Variants in KCNMB2 observed in about 807,000 individuals in gnomAD.
KCNMB2 encodes calcium-activated potassium channel subunit beta-2.
In KCNMB2, 9 loss-of-function variants were observed where a neutral mutation model predicts 24.5. That is an observed-to-expected ratio of 0.37 (90% CI 0.22 to 0.64). KCNMB2 has a LOEUF of 0.64. Ranked by LOEUF, KCNMB2 falls within the 30% of genes least tolerant of loss-of-function variation. The pLI, the probability that KCNMB2 is intolerant of heterozygous loss-of-function variation, is 0.63. For missense variants in KCNMB2, 226 were observed against 284.3 expected (o/e 0.79, Z 1.47); for synonymous variants, 109 against 104.4 (o/e 1.04, Z -0.27).
At chr3:178,616,431 T>C (rs1044246705) in intron 1 of KCNMB2, among the ~76,000 whole-genome samples, 1 of 152,178 alleles carries the variant, frequency 6.6e-6, no homozygotes, top group African/African-American at 2.4e-5. Context: ...TTTTGTCTGG[T>C]TCTCTTCTGG....
intron 1 of KCNMB2, among the ~76,000 whole-genome samples, chr3:178,781,647 A>G (rs1208963342): frequency 6.6e-6 from 1 of 151,700 alleles, no homozygotes; most frequent in Non-Finnish European, 1.5e-5. Context: ...GTATATAGTA[A>G]GCAAAGGTTT....
At chr3:178,649,452 T>A (rs773655354) in intron 1 of KCNMB2, among the ~76,000 whole-genome samples, 6 of 151,976 alleles carry the variant, frequency 3.9e-5, no homozygotes, top group Non-Finnish European at 5.9e-5. Context: ...TCTATAGAAT[T>A]TTTTTTCCTC....
chr3:178,605,229 C>A (rs554152594), intron 1 of KCNMB2, among the ~76,000 whole-genome samples: 2 of 152,242 alleles, frequency 1.3e-5, no homozygotes, highest in Middle Eastern at 6.8e-3. Flanking sequence ...GAAGAGCTCT[C>A]TCACCCTCTT....
intron 1 of KCNMB2, among the ~76,000 whole-genome samples, chr3:178,730,412 CACA>C (rs1253810477): frequency 4.9e-5 from 5 of 101,734 alleles, no homozygotes; most frequent in African/African-American, 1.6e-4. Context: ...AACACCCCCC[CACA>C]CACACACACA....
chr3:178,644,063 C>T (rs1453749803), intron 1 of KCNMB2, among the ~76,000 whole-genome samples: 6 of 152,256 alleles, frequency 3.9e-5, no homozygotes, highest in African/African-American at 1.4e-4. Flanking sequence ...CACCATGTCA[C>T]TAACTGTACC....
At chr3:178,676,704 G>A (rs1368562790) in intron 1 of KCNMB2, among the ~76,000 whole-genome samples, 1 of 152,150 alleles carries the variant, frequency 6.6e-6, no homozygotes. Context: ...CCTTACAGTA[G>A]TCTTTATAGC....
At chr3:178,711,901 A>T (rs1722466786) in intron 1 of KCNMB2, among the ~76,000 whole-genome samples, 1 of 152,196 alleles carries the variant, frequency 6.6e-6, no homozygotes, top group Non-Finnish European at 1.5e-5. Flanking sequence ...TGGAGTGGAA[A>T]GTGTAAAATG....
chr3:178,608,522 T>C (rs1206831616), intron 1 of KCNMB2, among the ~76,000 whole-genome samples: 2 of 152,224 alleles, frequency 1.3e-5, no homozygotes, highest in Non-Finnish European at 2.9e-5. Flanking sequence ...TATTTATCCA[T>C]TGAGTTACAA....
At chr3:178,749,182 G>A (rs1723763692) in intron 1 of KCNMB2, 1 of 152,160 alleles carries the variant, frequency 6.6e-6, no homozygotes, top group African/African-American at 2.4e-5. Flanking sequence ...CGTTAACAAT[G>A]AGGATATTAA....
intron 1 of KCNMB2, among the ~76,000 whole-genome samples, chr3:178,670,909 G>T (rs370441619): frequency 4.6e-5 from 7 of 152,114 alleles, no homozygotes; most frequent in African/African-American, 1.7e-4. Flanking sequence ...GATACCTAGA[G>T]GCCTCTGGGA....
Position 178,699,433 on chromosome 3 carries a change from G to A in KCNMB2, c.-67-107910G>A, listed in dbSNP as rs113060955. Reference sequence around the variant, plus strand: ...GCAAAGTGATATGAGGAATTGATGTGGGCTTGGGGAAAGCTGCAGTATGGG... The same window carrying A: ...GCAAAGTGATATGAGGAATTGATGTAGGCTTGGGGAAAGCTGCAGTATGGG... On this transcript the variant is annotated intron_variant, in intron 1 of 4. Transcript: ENST00000452583. 1.7e-3 allele frequency among the ~76,000 whole-genome samples: 264 copies of A among 152,332 alleles called. 1 individual carries two copies. The highest frequency in any genetic ancestry group is 6.1e-3 in the African/African-American group (252 of 41,582).
intron 1 of KCNMB2, among the ~76,000 whole-genome samples, chr3:178,553,971 G>C (rs1334390399): frequency 6.6e-6 from 1 of 152,128 alleles, no homozygotes; most frequent in African/African-American, 2.4e-5. Flanking sequence ...ACCACAGCCA[G>C]ATTGTTTTAA....
At chr3:178,567,684 G>A (rs755355106) in intron 1 of KCNMB2, among the ~76,000 whole-genome samples, 9 of 152,034 alleles carry the variant, frequency 5.9e-5, no homozygotes, top group Non-Finnish European at 8.8e-5. Context: ...GGACATTTGC[G>A]CCAGGACAAA....
At chr3:178,719,054 A>G (rs971236187) in intron 1 of KCNMB2, among the ~76,000 whole-genome samples, 2 of 152,232 alleles carry the variant, frequency 1.3e-5, no homozygotes, top group Non-Finnish European at 1.5e-5. Flanking sequence ...TGACTTTTTC[A>G]GAAGCATCAC....
At chr3:178,660,855 C>T (rs1301393599) in intron 1 of KCNMB2, among the ~76,000 whole-genome samples, 6 of 152,094 alleles carry the variant, frequency 3.9e-5, no homozygotes, top group Non-Finnish European at 5.9e-5. Flanking sequence ...TTTCTTCCTA[C>T]ATGGTGATCT....
intron 1 of KCNMB2, among the ~76,000 whole-genome samples, chr3:178,642,352 T>A (rs1030469362): frequency 4.6e-5 from 7 of 152,312 alleles, no homozygotes; most frequent in African/African-American, 1.4e-4. Context: ...ATGAATTAAG[T>A]AGTTGTGCAG....
chr3:178,844,328 TG>T lies in KCNMB2; in HGVS notation c.*1392del. On this transcript the variant is annotated 3_prime_UTR_variant, in exon 5 of 5. Transcript: ENST00000452583. Reference sequence around the variant, plus strand: ...AATCTGATGAAATGGAAAATTATTCTGCAATATTGTAATTCATAGTTTGACT... The same window carrying T: ...AATCTGATGAAATGGAAAATTATTCTCAATATTGTAATTCATAGTTTGACT... 1 of 152,636 alleles carries T rather than the reference TG, an allele frequency of 6.6e-6. No individual in the cohort carries two copies. The highest frequency in any genetic ancestry group is 2.1e-4 in the South Asian group (1 of 4,828). The allele number at this position is 152,636 out of a possible 1,614,324, so 9.5% of individuals were successfully genotyped here.
intron 3 of KCNMB2, among the ~76,000 whole-genome samples, 196 bp from the exon 4 acceptor site, chr3:178,827,982 T>G (rs1714898467): frequency 6.6e-6 from 1 of 152,210 alleles, no homozygotes; most frequent in Non-Finnish European, 1.5e-5. Flanking sequence ...TTCTCACGTG[T>G]CCACGTTTGT....
intron 2 of KCNMB2, among the ~76,000 whole-genome samples, chr3:178,817,218 T>C (rs1333688612): frequency 7.4e-6 from 1 of 134,962 alleles, no homozygotes; most frequent in Non-Finnish European, 1.5e-5. Flanking sequence ...GTTAATGACA[T>C]ATATATATAA....
Sources: allele counts gnomAD v4.1 joint callset (sites outside exome capture counted in the v4.1 genomes callset), GRCh38; gene constraint gnomAD v4.1.1; transcripts MANE v1.5; gene names NCBI Gene and HGNC (gene_info 2026-07-23, HGNC 2026-07-21).